Variants in DERA observed in about 807,000 individuals in gnomAD.
DERA encodes the protein deoxyribose-phosphate aldolase.
A neutral mutation model predicts 41.1 loss-of-function variants in DERA; 15 were observed. The ratio of observed to expected loss-of-function variants is 0.37; its 90% CI spans 0.24 to 0.56. The LOEUF is 0.56. Among genes scored for constraint, DERA ranks in the 20% least tolerant of loss-of-function variants. The pLI, the probability that DERA is intolerant of heterozygous loss-of-function variation, is 0.81. For synonymous variants in DERA, 139 were observed against 137.4 expected, an observed-to-expected ratio of 1.01 and a Z score of -0.08; for missense variants, 396 against 403.4, an observed-to-expected ratio of 0.98 and a Z score of 0.16.
At chr12:16,016,228 A>T (rs1046056210) in intron 6 of DERA, among the ~76,000 whole-genome samples, 12 of 152,182 alleles carry the variant, frequency 7.9e-5, no homozygotes, top group African/African-American at 2.4e-5. Flanking sequence ...ATTGCTCCAA[A>T]TCAGAGCCTT....
At chr12:15,949,735 A>C (rs1433175259) in intron 1 of DERA, among the ~76,000 whole-genome samples, 3 of 152,116 alleles carry the variant, frequency 2.0e-5, no homozygotes, top group Non-Finnish European at 4.4e-5. Flanking sequence ...AGCCCCAGTG[A>C]GATGAACCCG....
rs1049422550 is a variant in DERA, at chr12:15,966,533, A to G, written c.508+3586A>G. On this transcript the variant is annotated intron_variant, in intron 5 of 8. Coordinates refer to ENST00000428559, the MANE Select transcript of DERA (RefSeq NM_015954.4). This position sits in a 1 kb window ranked among gnomAD's most constrained non-coding sequence, Gnocchi z 5.1. ...TGTCTTGAGAAGTTCAAACTAATATACTAATGACCTGTCATCTCATTATGT... is the reference window on the plus strand; with the variant it reads ...TGTCTTGAGAAGTTCAAACTAATATGCTAATGACCTGTCATCTCATTATGT... 2.6e-5 allele frequency among the ~76,000 whole-genome samples: 4 copies of G among 152,160 alleles called. No individual in the cohort carries two copies. The South Asian group carries it at 8.3e-4, about 32-fold the overall frequency.
At position 15,915,453 on chromosome 12, in the gene DERA, T is replaced by G. The variant is rs1948192126; in HGVS notation, c.31+4039T>G. Reference sequence around the variant, plus strand: ...ATTTTTGGAATGGATATTTATTTATTTATTTGTTTATTTATTGTTTCAATA... The same window carrying G: ...ATTTTTGGAATGGATATTTATTTATGTATTTGTTTATTTATTGTTTCAATA... On this transcript the variant is annotated intron_variant, in intron 1 of 8. Coordinates refer to ENST00000428559, the MANE Select transcript of DERA (RefSeq NM_015954.4). This position sits in a 1 kb window ranked among gnomAD's most constrained non-coding sequence, Gnocchi z 4.8. Among the ~76,000 whole-genome samples, 1 of 152,142 alleles carries G rather than the reference T, an allele frequency of 6.6e-6. No individual in the cohort carries two copies. Among genetic ancestry groups the G allele is most frequent in the African/African-American group, 2.4e-5 (1 of 41,416 alleles).
intron 6 of DERA, among the ~76,000 whole-genome samples, chr12:16,016,597 C>T (rs769648600): frequency 2.6e-5 from 4 of 151,566 alleles, no homozygotes; most frequent in East Asian, 1.9e-4. Flanking sequence ...CTCAGGAGTT[C>T]GAGACCAGCC....
intron 6 of DERA, among the ~76,000 whole-genome samples, chr12:16,005,207 G>A (rs1266427446): frequency 6.6e-6 from 1 of 152,172 alleles, no homozygotes; most frequent in Admixed American, 6.5e-5. Context: ...CTTTGGGGAG[G>A]CTGAGGTGGG....
At chr12:15,978,525 GTAAT>G (rs1948713476) in intron 5 of DERA, among the ~76,000 whole-genome samples, 1 of 152,168 alleles carries the variant, frequency 6.6e-6, no homozygotes, top group Admixed American at 6.5e-5. Context: ...GCCTCCCTAA[GTAAT>G]TAGGCTTAGA....
chr12:16,036,825 A>G lies in DERA; in HGVS notation c.*79A>G. The G allele has an allele frequency of 8.8e-7, 1 of 1,139,196 alleles. No homozygotes were observed. Among genetic ancestry groups the G allele is most frequent in the African/African-American group, 1.6e-5 (1 of 62,634 alleles). The allele number at this position is 1,139,196 out of a possible 1,614,324, so 70.6% of individuals were successfully genotyped here. On this transcript the variant is annotated 3_prime_UTR_variant, in exon 9 of 9. Coordinates refer to ENST00000428559, the MANE Select transcript of DERA (RefSeq NM_015954.4). The surrounding 1 kb of genome is among the most constrained non-coding windows in gnomAD (Gnocchi z 4.9). Reference sequence around the variant, plus strand: ...TCTACGTAATTGCTAAAATTATTTAATTAAAAAATTGGGCAGTAGGTAACT... The same window carrying G: ...TCTACGTAATTGCTAAAATTATTTAGTTAAAAAATTGGGCAGTAGGTAACT...
intron 1 of DERA, among the ~76,000 whole-genome samples, chr12:15,920,662 G>A (rs559179694): frequency 2.6e-5 from 4 of 151,780 alleles, no homozygotes; most frequent in South Asian, 2.1e-4. Context: ...GTGAAAGCGC[G>A]TCTCTACTAA....
rs1949016604 is a variant in DERA at position 16,021,453 on chromosome 12, T to C, written c.638-11089T>C. Among the ~76,000 whole-genome samples the C allele has an allele frequency of 2.0e-5, 3 of 152,208 alleles. No homozygotes were observed. Reference sequence around the variant, plus strand: ...ATTTCAGAGGATGTGTCAGAAAGACTGGGTACCCAGGCAGGGATTCTCTAC... The same window carrying C: ...ATTTCAGAGGATGTGTCAGAAAGACCGGGTACCCAGGCAGGGATTCTCTAC... On this transcript the variant is annotated intron_variant, in intron 6 of 8. Coordinates refer to ENST00000428559, the MANE Select transcript of DERA (RefSeq NM_015954.4). This position sits in a 1 kb window ranked among gnomAD's most constrained non-coding sequence, Gnocchi z 5.3.
chr12:15,912,341 C>T (rs920195379), intron 1 of DERA, among the ~76,000 whole-genome samples: 1 of 152,144 alleles, frequency 6.6e-6, no homozygotes, highest in African/African-American at 2.4e-5. Context: ...GGGATAAGGT[C>T]ACAGATCAAC....
intron 6 of DERA, among the ~76,000 whole-genome samples, chr12:16,015,798 GA>G (rs1483456549): frequency 6.6e-6 from 1 of 152,164 alleles, no homozygotes; most frequent in East Asian, 1.9e-4. Context: ...TAAATTCAGG[GA>G]AAAGAGTAAA....
At chr12:15,951,034 G>T (rs1368195281) in intron 1 of DERA, among the ~76,000 whole-genome samples, 1 of 152,216 alleles carries the variant, frequency 6.6e-6, no homozygotes, top group East Asian at 1.9e-4. Flanking sequence ...TTTGGGTAGA[G>T]ATCCCTGCAG....
At position 15,915,545 on chromosome 12, in the gene DERA, T is replaced by G. The variant is rs189696386; in HGVS notation, c.31+4131T>G. Reference sequence around the variant, plus strand: ...CCTAGCCTCAAGTGATACTCCAGCCTCTGCCTCCCAAAGTGCTAGGATTAT... The same window carrying G: ...CCTAGCCTCAAGTGATACTCCAGCCGCTGCCTCCCAAAGTGCTAGGATTAT... On this transcript the variant is annotated intron_variant, in intron 1 of 8. Transcript: ENST00000428559. The surrounding 1 kb of genome is among the most constrained non-coding windows in gnomAD (Gnocchi z 4.8). Among the ~76,000 whole-genome samples the G allele has an allele frequency of 7.9e-5, 12 of 152,350 alleles. No homozygotes were observed. Among genetic ancestry groups the G allele is most frequent in the Middle Eastern group, 3.4e-3 (1 of 294 alleles).
In DERA at chr12:16,012,782, T is replaced by G. The variant is rs1408182393; in HGVS notation, c.638-19760T>G. Among the ~76,000 whole-genome samples the G allele has an allele frequency of 2.0e-5, 3 of 152,336 alleles. No homozygotes were observed. In the South Asian group the frequency reaches 6.2e-4, roughly 32 times the overall value. ...CTGTAAAAATGCTGTTGAACAGATATATTTAATTTAAAAATTTTTAATAAC... is the reference window on the plus strand; with the variant it reads ...CTGTAAAAATGCTGTTGAACAGATAGATTTAATTTAAAAATTTTTAATAAC... On this transcript the variant is annotated intron_variant, in intron 6 of 8. Coordinates refer to ENST00000428559, the MANE Select transcript of DERA (RefSeq NM_015954.4). The surrounding 1 kb of genome is among the most constrained non-coding windows in gnomAD (Gnocchi z 4.1).
At position 15,943,408 on chromosome 12, in the gene DERA, A is replaced by G. The variant is rs562392440; in HGVS notation, c.32-13528A>G. Among the ~76,000 whole-genome samples, 1 of 152,302 alleles carries G rather than the reference A, an allele frequency of 6.6e-6. No individual in the cohort carries two copies. Reference sequence around the variant, plus strand: ...CCTACTTGACTTTCGCACCACAGCCAGAGGGGTTATTTAAAAATGTAAATC... The same window carrying G: ...CCTACTTGACTTTCGCACCACAGCCGGAGGGGTTATTTAAAAATGTAAATC... On this transcript the variant is annotated intron_variant, in intron 1 of 8. Transcript: ENST00000428559. This position sits in a 1 kb window ranked among gnomAD's most constrained non-coding sequence, Gnocchi z 4.5.
intron 1 of DERA, among the ~76,000 whole-genome samples, chr12:15,947,825 A>G (rs1460053671): frequency 6.6e-6 from 1 of 152,112 alleles, no homozygotes; most frequent in African/African-American, 2.4e-5. Flanking sequence ...ACAATTTGGC[A>G]TGTTTTTTCA....
rs1262577933 is a variant in DERA at position 16,014,667 on chromosome 12, C to T, written c.638-17875C>T. On this transcript the variant is annotated intron_variant, in intron 6 of 8. Coordinates refer to ENST00000428559, the MANE Select transcript of DERA (RefSeq NM_015954.4). The surrounding 1 kb of genome is among the most constrained non-coding windows in gnomAD (Gnocchi z 5.4). ...TGGGGTTGGAGTCTCCACACAGAGT[C>T]CCCACTGGGGCACTGCCTAGTGGAG... Among the ~76,000 whole-genome samples the T allele has an allele frequency of 6.6e-6, 1 of 152,194 alleles. No individual in the cohort carries two copies. Among genetic ancestry groups the T allele is most frequent in the African/African-American group, 2.4e-5 (1 of 41,464 alleles).
Position 15,982,354 on chromosome 12 carries a change from T to A in DERA, c.555T>A (p.Ala185=), listed in dbSNP as rs1490736892. 2 of 1,613,918 alleles carry A rather than the reference T, an allele frequency of 1.2e-6. No homozygotes were observed. Among genetic ancestry groups the A allele is most frequent in the East Asian group, 4.5e-5 (2 of 44,884 alleles). ...IRQFRKACGE[A]HLKTILATGE... is the part of the protein sequence containing the mutation. ...AGTTTCGCAAGGCCTGTGGGGAGGC[T>A]CATCTTAAAACTATATTAGCGACAG... The change falls in exon 6 of 9, where the codon GCT becomes GCA. Residue 185 remains alanine, a synonymous_variant. Transcript: ENST00000428559. This position sits in a 1 kb window ranked among gnomAD's most constrained non-coding sequence, Gnocchi z 4.0.
chr12:15,925,317 G>A (rs961756728), intron 1 of DERA, among the ~76,000 whole-genome samples: 3 of 151,932 alleles, frequency 2.0e-5, no homozygotes, highest in African/African-American at 7.3e-5. Flanking sequence ...TATTCCTCTT[G>A]TTCCTTAAGT....
Sources: allele counts gnomAD v4.1 joint callset (sites outside exome capture counted in the v4.1 genomes callset), GRCh38; gene constraint gnomAD v4.1.1; non-coding constraint Gnocchi (gnomAD v3.1); transcripts MANE v1.5; gene names NCBI Gene and HGNC (gene_info 2026-07-23, HGNC 2026-07-21).